Variants in EPHA6 observed in about 807,000 individuals in gnomAD.
The protein encoded by EPHA6 is ephrin type-A receptor 6.
Under a neutral mutation model 112.0 loss-of-function variants are expected in EPHA6, and 50 were observed. That is an observed-to-expected ratio of 0.45 (90% confidence interval 0.36 to 0.56). The LOEUF is 0.56. Among genes scored for constraint, EPHA6 ranks in the 20% least tolerant of loss-of-function variants. The probability of loss-of-function intolerance (pLI) is 0.00; values close to 1 mark genes in which losing one functional copy is unlikely to be tolerated. For synonymous variants in EPHA6, 529 were observed against 490.7 expected, an observed-to-expected ratio of 1.08 and a Z score of -1.03; for missense variants, 1,280 against 1,417.4, an observed-to-expected ratio of 0.90 and a Z score of 1.56.
chr3:97,132,584 G>A (rs2075660378), intron 3 of EPHA6, among the ~76,000 whole-genome samples: 1 of 151,948 alleles, frequency 6.6e-6, no homozygotes, highest in African/African-American at 2.4e-5. Context: ...CTGCCTGAAA[G>A]GATATTATGA....
At chr3:96,859,745 A>G (rs2035903775) in intron 1 of EPHA6, among the ~76,000 whole-genome samples, 1 of 152,012 alleles carries the variant, frequency 6.6e-6, no homozygotes, top group Non-Finnish European at 1.5e-5. Context: ...TCTGTTGTCT[A>G]CTGGGATGCA....
At chr3:96,979,663 A>C (rs1299507647) in intron 2 of EPHA6, among the ~76,000 whole-genome samples, 1 of 152,182 alleles carries the variant, frequency 6.6e-6, no homozygotes, top group Non-Finnish European at 1.5e-5. Flanking sequence ...TTACAGACCC[A>C]CCAACAGTGT....
At chr3:97,626,493 A>G (rs1024932026) in intron 13 of EPHA6, among the ~76,000 whole-genome samples, 2 of 151,814 alleles carry the variant, frequency 1.3e-5, no homozygotes, top group African/African-American at 4.8e-5. Context: ...AAGGGGACTG[A>G]GGATGGTAGT....
chr3:97,510,298 G>A (rs757850674), intron 10 of EPHA6, among the ~76,000 whole-genome samples: 3 of 152,160 alleles, frequency 2.0e-5, no homozygotes, highest in African/African-American at 4.8e-5. Context: ...CAGCCTTTTT[G>A]TGCTGGTTTT....
At chr3:97,015,769 G>A (rs2044243496) in intron 3 of EPHA6, among the ~76,000 whole-genome samples, 1 of 152,110 alleles carries the variant, frequency 6.6e-6, no homozygotes, top group Admixed American at 6.5e-5. Context: ...CCACATATTT[G>A]ACAAGGCTCC....
At chr3:97,208,486 CT>C (rs1553722431) in intron 3 of EPHA6, among the ~76,000 whole-genome samples, 2 of 152,164 alleles carry the variant, frequency 1.3e-5, no homozygotes, top group Non-Finnish European at 2.9e-5. Flanking sequence ...TAGCTCATGC[CT>C]GTAATCCTAG....
chr3:97,086,214 T>G (rs183109730), intron 3 of EPHA6, among the ~76,000 whole-genome samples: 1 of 152,130 alleles, frequency 6.6e-6, no homozygotes, highest in Non-Finnish European at 1.5e-5. Flanking sequence ...TTCTGCAAAT[T>G]ATTGGATTAA....
At chr3:97,282,410 T>C (rs1474682170) in intron 5 of EPHA6, among the ~76,000 whole-genome samples, 2 of 152,294 alleles carry the variant, frequency 1.3e-5, no homozygotes, top group African/African-American at 2.4e-5. Context: ...AGTTCAATAA[T>C]TGTGGAAGAC....
intron 5 of EPHA6, among the ~76,000 whole-genome samples, chr3:97,293,890 C>T (rs2080784994): frequency 6.6e-6 from 1 of 152,232 alleles, no homozygotes; most frequent in African/African-American, 2.4e-5. Flanking sequence ...GCCTCCCCGG[C>T]CTGCCTCCCG....
Position 97,559,151 on chromosome 3 carries a change from A to G in EPHA6, c.2386+26608A>G, listed in dbSNP as rs138565354. ...AAAGGAACTTTTCCAAAACAGGTAG[A>G]ATTAAAACAAACTGCTAGTATTACC... On this transcript the variant is annotated intron_variant, in intron 11 of 17. Coordinates refer to ENST00000389672, the MANE Select transcript of EPHA6 (RefSeq NM_001080448.3). 4.8e-3 allele frequency among the ~76,000 whole-genome samples: 724 copies of G among 152,118 alleles called. 4 individuals are homozygous for G. The highest frequency in any genetic ancestry group is 7.4e-3 in the Non-Finnish European group (505 of 67,916).
intron 3 of EPHA6, among the ~76,000 whole-genome samples, chr3:97,209,297 T>TCA (rs144625102): frequency 4.0e-5 from 6 of 151,522 alleles, no homozygotes; most frequent in Non-Finnish European, 7.4e-5. Flanking sequence ...ATGTCTCATG[T>TCA]CACACACACA....
At chr3:97,185,936 A>G (rs1268098123) in intron 3 of EPHA6, among the ~76,000 whole-genome samples, 1 of 151,932 alleles carries the variant, frequency 6.6e-6, no homozygotes, top group Non-Finnish European at 1.5e-5. Context: ...GCTGGAAACC[A>G]TCATTCTGAG....
chr3:97,729,259 TG>T (rs2034924798), intron 15 of EPHA6, among the ~76,000 whole-genome samples: 1 of 152,088 alleles, frequency 6.6e-6, no homozygotes. Context: ...TTCTGAATGT[TG>T]AAAAATATTG....
At chr3:96,972,412 AAC>A (rs1217888002) in intron 2 of EPHA6, among the ~76,000 whole-genome samples, 1 of 111,316 alleles carries the variant, frequency 9.0e-6, no homozygotes, top group African/African-American at 3.9e-5. Flanking sequence ...AGATTTCAGA[AAC>A]ACACACACAA....
chr3:96,872,692 G>T (rs891267888), intron 2 of EPHA6, among the ~76,000 whole-genome samples: 4 of 151,958 alleles, frequency 2.6e-5, no homozygotes, highest in African/African-American at 9.7e-5. Context: ...AGGATGAATT[G>T]TATGTAATTC....
At chr3:96,936,539 T>A (rs1049226496) in intron 2 of EPHA6, among the ~76,000 whole-genome samples, 1 of 151,896 alleles carries the variant, frequency 6.6e-6, no homozygotes, top group Non-Finnish European at 1.5e-5. Flanking sequence ...GTTCTGTACT[T>A]CAAGCTCAAG....
At chr3:96,899,700 CTG>C (rs1162393624) in intron 2 of EPHA6, among the ~76,000 whole-genome samples, 4 of 152,068 alleles carry the variant, frequency 2.6e-5, no homozygotes, top group Non-Finnish European at 5.9e-5. Context: ...AAACAATTAA[CTG>C]TTTTGTTTTC....
intron 2 of EPHA6, among the ~76,000 whole-genome samples, chr3:96,887,691 A>G (rs2037711061): frequency 6.6e-6 from 1 of 152,122 alleles, no homozygotes; most frequent in Non-Finnish European, 1.5e-5. Flanking sequence ...CTACCAGGGT[A>G]GGTAGGGAAG....
At chr3:97,039,258 A>G (rs1320925394) in intron 3 of EPHA6, among the ~76,000 whole-genome samples, 4 of 152,082 alleles carry the variant, frequency 2.6e-5, no homozygotes, top group Non-Finnish European at 1.5e-5. Context: ...TTAATAAAGG[A>G]GAGAAAATGA....
Sources: gnomAD v4.1 joint callset for allele counts (sites outside exome capture counted in the v4.1 genomes callset) on GRCh38, gnomAD v4.1.1 for gene constraint, MANE v1.5 for transcripts, NCBI Gene and HGNC (gene_info 2026-07-23, HGNC 2026-07-21) for gene names.